FARS2: variants seen among roughly 807,000 people sequenced by gnomAD.
FARS2 encodes phenylalanyl-tRNA synthetase 2, mitochondrial.
A neutral mutation model predicts 46.4 loss-of-function variants in FARS2; 40 were observed. That is an observed-to-expected ratio of 0.86 (90% CI 0.67 to 1.12). The LOEUF (loss-of-function observed/expected upper bound fraction) is 1.12, where lower values mean the gene tolerates loss of function less well. FARS2 is among the 50% of genes most tolerant of loss of function. The pLI is 0.00. For missense variants in FARS2, 513 were observed against 567.9 expected (o/e 0.90, Z 0.98); for synonymous variants, 234 against 214.9 (o/e 1.09, Z -0.78).
At chr6:5,622,548 T>A (rs1775827736) in intron 6 of FARS2, among the ~76,000 whole-genome samples, 1 of 152,190 alleles carries the variant, frequency 6.6e-6, no homozygotes. Context: ...ATGAATGGGA[T>A]TCGTGCCCTT....
At chr6:5,726,506 A>G (rs958624090) in intron 6 of FARS2, among the ~76,000 whole-genome samples, 3 of 152,260 alleles carry the variant, frequency 2.0e-5, no homozygotes, top group African/African-American at 7.2e-5. Context: ...CCGTAAAGAA[A>G]CACAGATAAA....
In FARS2 at chr6:5,343,302, C is replaced by T. The variant is rs1385560192; in HGVS notation, c.-21-25248C>T. Reference sequence around the variant, plus strand: ...TCTTGGCTCACTGCAACCTTCACCGCCCTGGTTCCAGTGATTCTCCTGTCT... The same window carrying T: ...TCTTGGCTCACTGCAACCTTCACCGTCCTGGTTCCAGTGATTCTCCTGTCT... On this transcript the variant is annotated intron_variant, in intron 1 of 6. Coordinates refer to ENST00000274680, the MANE Select transcript of FARS2 (RefSeq NM_006567.5). This position sits in a 1 kb window ranked among gnomAD's most constrained non-coding sequence, Gnocchi z 4.5. 1.3e-5 allele frequency among the ~76,000 whole-genome samples: 2 copies of T among 152,134 alleles called. No homozygotes were observed. The highest frequency in any genetic ancestry group is 4.8e-5 in the African/African-American group (2 of 41,410).
chr6:5,658,074 T>G (rs1777683583), intron 6 of FARS2, among the ~76,000 whole-genome samples: 1 of 152,172 alleles, frequency 6.6e-6, no homozygotes, highest in Non-Finnish European at 1.5e-5. Context: ...CTGATGAACA[T>G]GGAGGAACCC....
intron 5 of FARS2, among the ~76,000 whole-genome samples, chr6:5,563,980 A>G (rs2150544702): frequency 6.6e-6 from 1 of 152,332 alleles, no homozygotes; most frequent in South Asian, 2.1e-4. Flanking sequence ...CAAAAGCAGC[A>G]TGTTTCATTT....
rs191623680 is a variant in FARS2 at position 5,498,688 on chromosome 6, C to T, written c.905-46492C>T. 1.2e-4 allele frequency among the ~76,000 whole-genome samples: 18 copies of T among 152,266 alleles called. No individual in the cohort carries two copies. In the East Asian group the frequency reaches 3.5e-3, roughly 29 times the overall value. On this transcript the variant is annotated intron_variant, in intron 4 of 6. Coordinates refer to ENST00000274680, the MANE Select transcript of FARS2 (RefSeq NM_006567.5). ...CCTATGACTAACTCCTCTATACCTC[C>T]TCAAAGCAGCTGTCACTTACCACCA...
chr6:5,521,211 C>G (rs1769114827), intron 4 of FARS2, among the ~76,000 whole-genome samples: 1 of 151,932 alleles, frequency 6.6e-6, no homozygotes, highest in Admixed American at 6.6e-5. Flanking sequence ...CTGATGATTT[C>G]TTTTGAGGTT....
chr6:5,335,216 T>C (rs1771070830), intron 1 of FARS2, among the ~76,000 whole-genome samples: 1 of 152,224 alleles, frequency 6.6e-6, no homozygotes, highest in Non-Finnish European at 1.5e-5. Context: ...TAAGTGACTC[T>C]TGTATTTACA....
At chr6:5,663,389 A>T (rs965960515) in intron 6 of FARS2, among the ~76,000 whole-genome samples, 1 of 152,214 alleles carries the variant, frequency 6.6e-6, no homozygotes, top group African/African-American at 2.4e-5. Flanking sequence ...TTTGGATGGA[A>T]TCATTTGCCG....
In FARS2 at chr6:5,378,355, T is replaced by C. The variant is rs187445682; in HGVS notation, c.612+9173T>C. 2.0e-3 allele frequency among the ~76,000 whole-genome samples: 309 copies of C among 152,288 alleles called. 2 individuals are homozygous for C. Among genetic ancestry groups the C allele is most frequent in the African/African-American group, 7.0e-3 (290 of 41,562 alleles). The stretch of plus-strand genomic sequence containing the variant: ...CCCGCTGGAGTGAGGCGCTTCTTTT[T>C]GAACACCCCTTTGGCATCCTTTGTG... On this transcript the variant is annotated intron_variant, in intron 2 of 6. Transcript: ENST00000274680.
At chr6:5,560,877 C>A (rs1771942147) in intron 5 of FARS2, among the ~76,000 whole-genome samples, 1 of 152,064 alleles carries the variant, frequency 6.6e-6, no homozygotes, top group Non-Finnish European at 1.5e-5. Context: ...GCCTGTAATC[C>A]CAACACTCTG....
At chr6:5,391,341 A>C (rs1274376410) in intron 2 of FARS2, among the ~76,000 whole-genome samples, 1 of 152,218 alleles carries the variant, frequency 6.6e-6, no homozygotes, top group Non-Finnish European at 1.5e-5. Context: ...ATGGGGAAAT[A>C]ATAAGGATTG....
chr6:5,360,396 T>C (rs1160112448), intron 1 of FARS2, among the ~76,000 whole-genome samples: 2 of 152,238 alleles, frequency 1.3e-5, no homozygotes, highest in African/African-American at 4.8e-5. Context: ...CCTCAAAGTC[T>C]TATTTTCTAG....
At chr6:5,371,906 G>A (rs1439148286) in intron 2 of FARS2, among the ~76,000 whole-genome samples, 1 of 151,940 alleles carries the variant, frequency 6.6e-6, no homozygotes, top group Admixed American at 6.6e-5. Flanking sequence ...TTATCAGATT[G>A]GATATTTTTC....
At chr6:5,369,282 C>A (rs1758888856) in intron 2 of FARS2, 100 bp downstream of exon 2, 1 of 1,266,546 alleles carries the variant, frequency 7.9e-7, no homozygotes, top group East Asian at 2.5e-5. Context: ...GTCATCCTTG[C>A]TTGCCTTATT....
At chr6:5,675,266 A>C (rs1004416899) in intron 6 of FARS2, among the ~76,000 whole-genome samples, 1 of 151,912 alleles carries the variant, frequency 6.6e-6, no homozygotes, top group African/African-American at 2.4e-5. Context: ...TGGTAACCAC[A>C]TGTGTGCTGT....
At chr6:5,712,344 T>A (rs1759224453) in intron 6 of FARS2, among the ~76,000 whole-genome samples, 1 of 152,178 alleles carries the variant, frequency 6.6e-6, no homozygotes, top group Admixed American at 6.5e-5. Flanking sequence ...GCTTGAGCTA[T>A]CCCTTGAGAT....
chr6:5,593,737 G>A (rs1378076254), intron 5 of FARS2, among the ~76,000 whole-genome samples: 5 of 152,174 alleles, frequency 3.3e-5, no homozygotes, highest in Non-Finnish European at 7.4e-5. Context: ...TGTTTCATTC[G>A]ATTTTATTCA....
At chr6:5,390,644 G>T (rs1429565645) in intron 2 of FARS2, among the ~76,000 whole-genome samples, 1 of 152,184 alleles carries the variant, frequency 6.6e-6, no homozygotes, top group South Asian at 2.1e-4. Context: ...TATTTGGTCA[G>T]TTCTCAAACA....
chr6:5,287,932 G>A (rs775127297), intron 1 of FARS2, among the ~76,000 whole-genome samples: 4 of 152,170 alleles, frequency 2.6e-5, no homozygotes, highest in Non-Finnish European at 4.4e-5. Flanking sequence ...AACAGTCACA[G>A]AGGCCTCTGA....
Sources: allele counts gnomAD v4.1 joint callset (sites outside exome capture counted in the v4.1 genomes callset), GRCh38; gene constraint gnomAD v4.1.1; non-coding constraint Gnocchi (gnomAD v3.1); transcripts MANE v1.5; gene names NCBI Gene and HGNC (gene_info 2026-07-23, HGNC 2026-07-21).